The following RNLS variants were observed in gnomAD, a reference collection of about 807,000 sequenced individuals.
RNLS encodes the protein renalase.
A neutral mutation model predicts 39.8 loss-of-function variants in RNLS; 39 were observed. The observed-to-expected ratio is 0.98, with a 90% CI of 0.76 to 1.28. The LOEUF (loss-of-function observed/expected upper bound fraction) is 1.28, where lower values mean the gene tolerates loss of function less well. Ranked by LOEUF, RNLS falls within the 50% of genes most tolerant of loss-of-function variation. The probability of loss-of-function intolerance (pLI) is 0.00; values close to 1 mark genes in which losing one functional copy is unlikely to be tolerated. For missense variants in RNLS, 410 were observed against 413.3 expected, an observed-to-expected ratio of 0.99 and a Z score of 0.07; for synonymous variants, 147 against 150.7, an observed-to-expected ratio of 0.98 and a Z score of 0.18.
chr10:88,285,241 G>A lies in RNLS; in HGVS notation c.*113C>T, dbSNP rs1026784689. On this transcript the variant is annotated 3_prime_UTR_variant, in exon 7 of 7. Transcript: ENST00000331772. ...CTCCACATGAAAAATGATAATAAGT[G>A]AAGAACAATTTTCCAGTAATTTTTC... 7 of 1,401,938 alleles carry A rather than the reference G, an allele frequency of 5.0e-6. No individual in the cohort carries two copies. In the African/African-American group the frequency reaches 1.0e-4, roughly 20 times the overall value. The allele number at this position is 1,401,938 out of a possible 1,614,324, so 86.8% of individuals were successfully genotyped here.
intron 4 of RNLS, among the ~76,000 whole-genome samples, chr10:88,502,732 T>C (rs926217052): frequency 6.6e-6 from 1 of 152,160 alleles, no homozygotes; most frequent in Non-Finnish European, 1.5e-5. Flanking sequence ...TTTGGAATCC[T>C]ATCACAGAAG....
intron 5 of RNLS, among the ~76,000 whole-genome samples, chr10:88,348,869 G>GT (rs775375231): frequency 2.6e-5 from 4 of 152,074 alleles, no homozygotes; most frequent in Non-Finnish European, 4.4e-5. Context: ...GCCCTTCCTG[G>GT]TTTTGATCAT....
At chr10:88,205,755 G>A in the RNLS span, among the ~76,000 whole-genome samples, 10 of 152,168 alleles carry the variant, frequency 6.6e-5, no homozygotes, top group East Asian at 7.7e-4. Context: ...AGATATAATC[G>A]TGTGAAATGG....
Position 88,369,870 on chromosome 10 carries a change from G to C in RNLS, c.527-7145C>G, listed in dbSNP as rs904141027. 3.9e-5 allele frequency among the ~76,000 whole-genome samples: 6 copies of C among 152,100 alleles called. No homozygotes were observed. In the East Asian group the frequency reaches 1.2e-3, roughly 29 times the overall value. On this transcript the variant is annotated intron_variant, in intron 4 of 6. Transcript: ENST00000331772. ...ATTTTGCGGGTGTGTATTTTTAGCA[G>C]AGACAGGATTTCACCATGTTGGCCA...
chr10:88,367,757 C>T lies in RNLS; in HGVS notation c.527-5032G>A, dbSNP rs555584427. On this transcript the variant is annotated intron_variant, in intron 4 of 6. Coordinates refer to ENST00000331772, the MANE Select transcript of RNLS (RefSeq NM_001031709.3). ...TACATTGTCGTTTTAATTTGTATTC[C>T]ATGGTGACTAATATTTGAAAATCCT... Among the ~76,000 whole-genome samples, 392 of 152,168 alleles carry T rather than the reference C, an allele frequency of 2.6e-3. 2 individuals carry two copies. The highest frequency in any genetic ancestry group is 9.0e-3 in the African/African-American group (372 of 41,532).
chr10:88,491,615 A>C (rs547272225), intron 4 of RNLS, among the ~76,000 whole-genome samples: 17 of 152,332 alleles, frequency 1.1e-4, no homozygotes, highest in African/African-American at 4.1e-4. Context: ...TTCCCAGAGA[A>C]AACCTATTTA....
chr10:88,516,124 G>C (rs1846393841), intron 4 of RNLS, among the ~76,000 whole-genome samples: 1 of 151,964 alleles, frequency 6.6e-6, no homozygotes, highest in Non-Finnish European at 1.5e-5. Flanking sequence ...TGGACTTCTA[G>C]CTCCAGAACC....
intron 4 of RNLS, among the ~76,000 whole-genome samples, chr10:88,417,194 T>TGTTTTGAAATTTCCAAAGC (rs1854084085): frequency 6.6e-6 from 1 of 152,240 alleles, no homozygotes; most frequent in Non-Finnish European, 1.5e-5. Context: ...AGATTTTATA[T>TGTTTTGAAATTTCCAAAGC]GTTTTGAAAT....
At chr10:88,344,924 G>A (rs1290484737) in intron 5 of RNLS, among the ~76,000 whole-genome samples, 3 of 151,812 alleles carry the variant, frequency 2.0e-5, no homozygotes, top group African/African-American at 7.3e-5. Context: ...TATTATGCAG[G>A]GAATTCAATG....
intron 4 of RNLS, among the ~76,000 whole-genome samples, chr10:88,482,340 C>T (rs1343382614): frequency 1.3e-5 from 2 of 152,062 alleles, no homozygotes; most frequent in African/African-American, 2.4e-5. Context: ...TTCCTTCAGT[C>T]TTTTTCTCTG....
At chr10:88,245,486 G>A in the RNLS span, among the ~76,000 whole-genome samples, 10 of 152,156 alleles carry the variant, frequency 6.6e-5, no homozygotes, top group Admixed American at 2.0e-4. Context: ...CCGCAGAAAC[G>A]TCTTTTCATG....
chr10:88,582,050 C>G, intron 2 of RNLS, 152 bp downstream of exon 2: 1 of 588,576 alleles, frequency 1.7e-6, no homozygotes, highest in South Asian at 2.7e-5. Context: ...ACTCCCATCA[C>G]AGCTAGTTGC....
At chr10:88,377,229 TACACACACATATAC>T (rs749207766) in intron 4 of RNLS, among the ~76,000 whole-genome samples, 83 of 69,914 alleles carry the variant, frequency 1.2e-3, no homozygotes, top group East Asian at 2.6e-3. Flanking sequence ...TATCTCCACA[TACACACACATATAC>T]ACACACACAC....
At chr10:88,171,828 T>C in the RNLS span, among the ~76,000 whole-genome samples, 13 of 152,154 alleles carry the variant, frequency 8.5e-5, no homozygotes, top group Non-Finnish European at 1.9e-4. Context: ...AACCAGCTTC[T>C]CCTTATCTTT....
chr10:88,532,493 G>A (rs947310605), intron 4 of RNLS, among the ~76,000 whole-genome samples: 1 of 151,910 alleles, frequency 6.6e-6, no homozygotes, highest in African/African-American at 2.4e-5. Flanking sequence ...TTCCATTTGG[G>A]AACCAATCAA....
chr10:88,526,282 A>G (rs1351312146), intron 4 of RNLS, among the ~76,000 whole-genome samples: 1 of 151,510 alleles, frequency 6.6e-6, no homozygotes, highest in African/African-American at 2.4e-5. Context: ...TATGCAAAAA[A>G]TCAGAATTGC....
intron 4 of RNLS, among the ~76,000 whole-genome samples, chr10:88,367,767 A>G (rs1275122536): frequency 6.6e-6 from 1 of 152,110 alleles, no homozygotes; most frequent in Non-Finnish European, 1.5e-5. Context: ...CATGGTGACT[A>G]ATATTTGAAA....
chr10:88,366,934 A>C (rs1433546322), intron 4 of RNLS, among the ~76,000 whole-genome samples: 2 of 151,748 alleles, frequency 1.3e-5, no homozygotes, highest in Admixed American at 1.3e-4. Context: ...TGGCCAGTGG[A>C]GCTCTTGTCT....
intron 4 of RNLS, among the ~76,000 whole-genome samples, chr10:88,446,118 C>G (rs1239325501): frequency 1.3e-5 from 2 of 152,188 alleles, no homozygotes; most frequent in Non-Finnish European, 2.9e-5. Flanking sequence ...AACTGTCTCT[C>G]AGACCACAGT....
Sources: allele counts gnomAD v4.1 joint callset (sites outside exome capture counted in the v4.1 genomes callset), GRCh38; gene constraint gnomAD v4.1.1; transcripts MANE v1.5; gene names NCBI Gene and HGNC (gene_info 2026-07-23, HGNC 2026-07-21).